POLI: variants seen among roughly 807,000 people sequenced by gnomAD.
POLI encodes RAD30 homolog B.
A neutral mutation model predicts 51.6 loss-of-function variants in POLI; 58 were observed. The ratio of observed to expected loss-of-function variants is 1.12; its 90% CI spans 0.91 to 1.40. POLI has a LOEUF of 1.40. Among genes scored for constraint, POLI ranks in the 40% most tolerant of loss-of-function variants. POLI has a pLI of 0.00. For synonymous variants in POLI, 322 were observed against 299.7 expected (o/e 1.07, Z -0.77); for missense variants, 921 against 871.3 (o/e 1.06, Z -0.72).
Position 54,295,628 on chromosome 18 carries a change from CT to C in POLI, c.*1164del, listed in dbSNP as rs2088285102. 1.4e-6 allele frequency: 1 copy of C among 689,834 alleles called. No homozygotes were observed. The highest frequency in any genetic ancestry group is 1.8e-6 in the Non-Finnish European group (1 of 561,222). 42.7% of individuals were successfully genotyped at this position (689,834 alleles called of 1,614,324 possible). On this transcript the variant is annotated 3_prime_UTR_variant, in exon 10 of 10. Transcript: ENST00000579534. ...TCTTCTAGGTCTGAAATTTTCTTTT[CT>C]TTCTTTTTTTGTTTTGGAGACAGAG... is the stretch of plus-strand genomic sequence containing the variant.
chr18:54,284,137 T>C, intron 7 of POLI, 124 bp downstream of exon 7: 1 of 509,526 alleles, frequency 2.0e-6, no homozygotes. Flanking sequence ...AATGTAAAAA[T>C]AATTTATCAT....
At position 54,291,839 on chromosome 18, in the gene POLI, A is replaced by T; in HGVS notation, c.1205A>T (p.Tyr402Phe). 2 of 1,479,782 alleles carry T rather than the reference A, an allele frequency of 1.4e-6. No individual in the cohort carries two copies. Among genetic ancestry groups the T allele is most frequent in the South Asian group, 1.2e-5 (1 of 85,924 alleles). 91.7% of individuals were successfully genotyped at this position (1,479,782 alleles called of 1,614,324 possible). ...TCTTAAACATTTTATTTAGGAAATT[A>T]TGATGTGATGACCCCAATGGTTGAT... ...HVIQKLGTGN[Y>F]DVMTPMVDIL... The change falls in exon 9 of 10, where the codon TAT becomes TTT. Residue 402 changes from tyrosine to phenylalanine, a missense_variant. Tyr to Phe is a conservative substitution (Grantham distance 22). Coordinates refer to ENST00000579534, the MANE Select transcript of POLI (RefSeq NM_007195.3).
intron 3 of POLI, among the ~76,000 whole-genome samples, chr18:54,315,824 T>C (rs879343406): frequency 6.6e-6 from 1 of 152,184 alleles, no homozygotes; most frequent in Non-Finnish European, 1.5e-5. Context: ...CTCCACCTCT[T>C]TACTTTGAGC....
At chr18:54,313,342 C>T (rs987939148) in intron 3 of POLI, among the ~76,000 whole-genome samples, 3 of 151,986 alleles carry the variant, frequency 2.0e-5, no homozygotes. Context: ...TTTCTATTTT[C>T]GTTTCTGTAA....
intron 4 of POLI, among the ~76,000 whole-genome samples, chr18:54,279,202 G>A (rs149883340): frequency 1.2e-4 from 18 of 148,112 alleles, no homozygotes; most frequent in African/African-American, 4.2e-4. Context: ...CTACAGAAAA[G>A]TTGACAGAAT....
intron 3 of POLI, among the ~76,000 whole-genome samples, chr18:54,314,729 T>G (rs1467971882): frequency 6.6e-6 from 1 of 152,190 alleles, no homozygotes. Context: ...TCATTTCCTC[T>G]AGATTTTCTA....
intron 3 of POLI, among the ~76,000 whole-genome samples, chr18:54,314,952 C>A (rs2144650917): frequency 6.7e-6 from 1 of 148,644 alleles, no homozygotes; most frequent in South Asian, 2.1e-4. Context: ...ATTTTTGGGT[C>A]TCAGTGTTAT....
In POLI at chr18:54,294,142, G is replaced by A. The variant is rs751503957; in HGVS notation, c.1898G>A (p.Arg633Gln). Residue 633 changes from arginine to glutamine, a missense_variant, in exon 10 of 10, where the codon CGA (arginine) becomes CAA (glutamine). Coordinates refer to ENST00000579534, the MANE Select transcript of POLI (RefSeq NM_007195.3). ...TTAGATAATAGATTAAAAGATGAACGAATAAGTCAAGGACCTAAAGAACCT... is the reference window on the plus strand; with the variant it reads ...TTAGATAATAGATTAAAAGATGAACAAATAAGTCAAGGACCTAAAGAACCT... ...YYLDNRLKDE[R>Q]ISQGPKEPQG... The A allele has an allele frequency of 7.5e-6, 12 of 1,610,710 alleles. No homozygotes were observed. Among genetic ancestry groups the A allele is most frequent in the East Asian group, 2.2e-5 (1 of 44,836 alleles).
intron 2 of POLI, among the ~76,000 whole-genome samples, chr18:54,273,193 T>C: frequency 6.6e-6 from 1 of 152,168 alleles, no homozygotes; most frequent in South Asian, 2.1e-4. Context: ...AATTTAATCA[T>C]TTTTGATAGA....
At chr18:54,289,329 G>A (rs3730790) in intron 8 of POLI, among the ~76,000 whole-genome samples, 1,561 of 151,774 alleles carry the variant, frequency 0.01, 11 homozygotes, top group Non-Finnish European at 0.015. Flanking sequence ...TCTGGAAGCC[G>A]TCTACCTCTG....
Position 54,273,949 on chromosome 18 carries a change from G to A in POLI, c.265G>A (p.Val89Ile). ...PLGVQQKYLVVTCNYEARKLG... is the reference protein window; with the variant it reads ...PLGVQQKYLVITCNYEARKLG... ...AGGGGTTCAACAGAAATATTTGGTG[G>A]TTACCTGCAACTATGAAGCTAGGAA... is the stretch of plus-strand genomic sequence containing the variant. Residue 89 changes from valine (V) to isoleucine (I), a missense_variant, in exon 3 of 10, where the codon GTT becomes ATT. By Grantham distance (29) the Val-to-Ile change is conservative. Coordinates refer to ENST00000579534, the MANE Select transcript of POLI (RefSeq NM_007195.3). The A allele has an allele frequency of 1.3e-6, 2 of 1,559,230 alleles. No individual in the cohort carries two copies. Among genetic ancestry groups the A allele is most frequent in the Admixed American group, 2.0e-5 (1 of 51,148 alleles).
chr18:54,282,142 A>G (rs1343371548), intron 5 of POLI, among the ~76,000 whole-genome samples: 1 of 152,134 alleles, frequency 6.6e-6, no homozygotes, highest in Non-Finnish European at 1.5e-5. Context: ...TAGGTTACCT[A>G]ATATGTACAC....
downstream of POLI, among the ~76,000 whole-genome samples, chr18:54,299,127 A>T (rs1348267978): frequency 6.6e-6 from 1 of 152,174 alleles, no homozygotes; most frequent in African/African-American, 2.4e-5. Context: ...AAAGTAGTGT[A>T]ACACAAAGCC....
At chr18:54,298,316 C>T (rs2088428478), downstream of POLI, 2 of 152,864 alleles carry the variant, frequency 1.3e-5, no homozygotes, top group South Asian at 2.1e-4. Flanking sequence ...TGAACTTAAT[C>T]TCCAGTTTCC....
rs551479159 is a variant in POLI, at chr18:54,318,107, G to GT, written c.334-2158dup. Among the ~76,000 whole-genome samples, 1,483 of 151,836 alleles carry GT rather than the reference G, an allele frequency of 9.8e-3. 13 individuals are homozygous for GT. The highest frequency in any genetic ancestry group is 0.02 in the Middle Eastern group (6 of 294). ...TGAAGCTAGCTCACAGTTCTGAGAG[G>GT]TTTTTTTTGTACTCTAATGACAAAT... is the stretch of plus-strand genomic sequence containing the variant. On this transcript the variant is annotated intron_variant, in intron 3 of 4. Transcript: ENST00000579823.
intron 3 of POLI, among the ~76,000 whole-genome samples, chr18:54,310,062 C>T (rs1021383881): frequency 1.3e-5 from 2 of 152,200 alleles, no homozygotes; most frequent in Non-Finnish European, 2.9e-5. Context: ...TGATGCCCCA[C>T]CCTGTTTCGG....
Position 54,298,027 on chromosome 18 carries a change from G to C in POLI, c.*3560G>C, listed in dbSNP as rs2144622317. 1 of 967,568 alleles carries C rather than the reference G, an allele frequency of 1.0e-6. No individual in the cohort carries two copies. Among genetic ancestry groups the C allele is most frequent in the South Asian group, 4.8e-5 (1 of 20,914 alleles). 59.9% of individuals were successfully genotyped at this position (967,568 alleles called of 1,614,324 possible). ...TGGAGATACGCAGTTTTTATTATAT[G>C]TCTAGCTATAGATTTATCATGGATT... On this transcript the variant is annotated 3_prime_UTR_variant, in exon 10 of 10. Coordinates refer to ENST00000579534, the MANE Select transcript of POLI (RefSeq NM_007195.3).
At chr18:54,284,807 A>G (rs2087674903) in intron 7 of POLI, 1 of 152,260 alleles carries the variant, frequency 6.6e-6, no homozygotes, top group Non-Finnish European at 1.5e-5. Context: ...GTAGTACAAG[A>G]TAAACTGAAA....
rs149707713 is a variant in POLI at position 54,295,666 on chromosome 18, C to T, written c.*1199C>T. On this transcript the variant is annotated 3_prime_UTR_variant, in exon 10 of 10. Coordinates refer to ENST00000579534, the MANE Select transcript of POLI (RefSeq NM_007195.3). ...TTTTGGAGACAGAGTCTCACTCTGTCGCCCAGGGTGGAGTACAGTGGCGCA... is the reference window on the plus strand; with the variant it reads ...TTTTGGAGACAGAGTCTCACTCTGTTGCCCAGGGTGGAGTACAGTGGCGCA... 9 of 392,506 alleles carry T rather than the reference C, an allele frequency of 2.3e-5. No homozygotes were observed. The East Asian group carries it at 4.8e-4, about 21-fold the overall frequency. The allele number at this position is 392,506 out of a possible 1,614,324, so 24.3% of individuals were successfully genotyped here. A position where few individuals can be genotyped will look rare whatever the true frequency, so the allele number is the denominator to read the frequency against.
Sources: gnomAD v4.1 joint callset for allele counts (sites outside exome capture counted in the v4.1 genomes callset) on GRCh38, gnomAD v4.1.1 for gene constraint, MANE v1.5 for transcripts, NCBI Gene and HGNC (gene_info 2026-07-23, HGNC 2026-07-21) for gene names.